ABI2: variants seen among roughly 807,000 people sequenced by gnomAD.
The protein encoded by ABI2 is abelson interactor 2.
In ABI2, 25 loss-of-function variants were observed where a neutral mutation model predicts 59.2. The observed-to-expected ratio is 0.42, with a 90% CI of 0.31 to 0.59. The LOEUF is 0.59. Ranked by LOEUF, ABI2 falls within the 20% of genes least tolerant of loss-of-function variation. ABI2 has a pLI of 0.14. For missense variants in ABI2, 545 were observed against 681.8 expected (o/e 0.80, Z 2.23); for synonymous variants, 213 against 235.5 (o/e 0.90, Z 0.87).
At chr2:203,397,869 C>T (rs1264763300) in intron 8 of ABI2, among the ~76,000 whole-genome samples, 1 of 152,104 alleles carries the variant, frequency 6.6e-6, no homozygotes, top group Non-Finnish European at 1.5e-5. Context: ...TTTAAACAAC[C>T]AGATCTCATT....
chr2:203,420,280 A>G (rs909741060), intron 11 of ABI2, among the ~76,000 whole-genome samples: 3 of 152,198 alleles, frequency 2.0e-5, no homozygotes, highest in African/African-American at 7.2e-5. Flanking sequence ...TAACTTTTGT[A>G]AAGCCATCTA....
At chr2:203,363,106 C>T (rs956020922) in intron 1 of ABI2, among the ~76,000 whole-genome samples, 3 of 151,988 alleles carry the variant, frequency 2.0e-5, no homozygotes, top group South Asian at 4.2e-4. Flanking sequence ...TTTGGGATTA[C>T]AGGTGTGGCC....
intron 1 of ABI2, among the ~76,000 whole-genome samples, chr2:203,347,941 A>G (rs1426573059): frequency 6.6e-6 from 1 of 152,302 alleles, no homozygotes; most frequent in South Asian, 2.1e-4. Flanking sequence ...TAATATAAGC[A>G]TGAAAAAAAT....
chr2:203,351,820 A>G (rs1191584966), intron 1 of ABI2: 4 of 242,984 alleles, frequency 1.6e-5, no homozygotes, highest in Admixed American at 5.2e-5. Flanking sequence ...ACAGGAGTGA[A>G]CTACCGCACC....
intron 3 of ABI2, among the ~76,000 whole-genome samples, chr2:203,381,449 T>C (rs1386510917): frequency 6.6e-6 from 1 of 152,146 alleles, no homozygotes; most frequent in Non-Finnish European, 1.5e-5. Context: ...TTTTTGTTTG[T>C]AGTGACAGGG....
intron 1 of ABI2, among the ~76,000 whole-genome samples, chr2:203,337,438 G>A (rs1240137232): frequency 6.6e-6 from 1 of 152,206 alleles, no homozygotes; most frequent in Non-Finnish European, 1.5e-5. Context: ...AATCAAGGAG[G>A]TGAAAGGTCT....
intron 1 of ABI2, among the ~76,000 whole-genome samples, chr2:203,340,332 TTAA>T (rs767534165): frequency 1.3e-5 from 2 of 152,142 alleles, no homozygotes; most frequent in Non-Finnish European, 2.9e-5. Context: ...GTAACTATAG[TTAA>T]TAATATTGTA....
At chr2:203,364,379 C>T (rs1475437465) in intron 1 of ABI2, among the ~76,000 whole-genome samples, 1 of 152,186 alleles carries the variant, frequency 6.6e-6, no homozygotes, top group Non-Finnish European at 1.5e-5. Context: ...CAGGCGTGAG[C>T]CACTGTGGCT....
chr2:203,328,694 G>C lies in ABI2; in HGVS notation c.117+63G>C, dbSNP rs550697298. On this transcript the variant is annotated intron_variant, in intron 1 of 11. Coordinates refer to ENST00000261018, the MANE Select transcript of ABI2 (RefSeq NM_001375670.1). ...CCCCGCCGGGGGCCGCGCGCCTCGG[G>C]GCGTGGGGCCGAGGCCGCCTCGGGG... The C allele has an allele frequency of 3.1e-4, 369 of 1,206,080 alleles. 1 individual carries two copies. The South Asian group carries it at 6.2e-3, about 20-fold the overall frequency. 74.7% of individuals were successfully genotyped at this position (1,206,080 alleles called of 1,614,324 possible). A position where few individuals can be genotyped will look rare whatever the true frequency, so the allele number is the denominator to read the frequency against.
At position 203,380,368 on chromosome 2, in the gene ABI2, T is replaced by C. The variant is rs754467735; in HGVS notation, c.446T>C (p.Ile149Thr). Residue 149 changes from isoleucine to threonine, a missense_variant, in exon 3 of 12, where the codon ATT becomes ACT. Coordinates refer to ENST00000261018, the MANE Select transcript of ABI2 (RefSeq NM_001375670.1). ...KPIDYTILDDIGHGVKWLLRF... is the reference protein window; with the variant it reads ...KPIDYTILDDTGHGVKWLLRF... ...ATTGACTATACAATTCTAGATGATA[T>C]TGGACATGGAGTAAAGGTAGGTATA... 31 of 1,563,568 alleles carry C rather than the reference T, an allele frequency of 2.0e-5. No homozygotes were observed. Among genetic ancestry groups the C allele is most frequent in the Middle Eastern group, 1.7e-4 (1 of 5,858 alleles).
In ABI2 at chr2:203,431,694, AT is replaced by A. The variant is rs1455777710; in HGVS notation, c.*4344del. 3 of 146,280 alleles carry A rather than the reference AT, an allele frequency of 2.1e-5. No individual in the cohort carries two copies. Among genetic ancestry groups the A allele is most frequent in the Non-Finnish European group, 3.0e-5 (2 of 67,708 alleles). 9.1% of individuals were successfully genotyped at this position (146,280 alleles called of 1,614,324 possible). A position where few individuals can be genotyped will look rare whatever the true frequency, so the allele number is the denominator to read the frequency against. ...CCTGTTTTGAGAATCTCATATAATTATTAAAAAAAAAAAACAATTAAAACGA... is the reference window on the plus strand; with the variant it reads ...CCTGTTTTGAGAATCTCATATAATTATAAAAAAAAAAAACAATTAAAACGA... On this transcript the variant is annotated 3_prime_UTR_variant, in exon 12 of 12. Transcript: ENST00000261018.
chr2:203,361,551 C>G (rs2093509328), intron 1 of ABI2, among the ~76,000 whole-genome samples: 1 of 152,048 alleles, frequency 6.6e-6, no homozygotes, highest in Non-Finnish European at 1.5e-5. Context: ...ACTGAATTTT[C>G]TCTTTTTGTA....
intron 2 of ABI2, among the ~76,000 whole-genome samples, chr2:203,370,186 TTCTCTC>T (rs71007509): frequency 0.12 from 16,809 of 136,518 alleles, 1,073 homozygotes; most frequent in African/African-American, 0.16. Context: ...CATTCTCCTA[TTCTCTC>T]TCTCTCTCTC....
chr2:203,406,349 G>GA (rs1035089310), intron 9 of ABI2, among the ~76,000 whole-genome samples: 1 of 152,128 alleles, frequency 6.6e-6, no homozygotes, highest in Non-Finnish European at 1.5e-5. Flanking sequence ...AAAAGCTTTT[G>GA]AAAAAATCTA....
chr2:203,387,842 GTC>G (rs374258193), intron 4 of ABI2, among the ~76,000 whole-genome samples: 2 of 152,026 alleles, frequency 1.3e-5, no homozygotes, highest in Admixed American at 6.6e-5. Flanking sequence ...TATATGTTCT[GTC>G]TCTCTCTCTG....
At position 203,430,792 on chromosome 2, in the gene ABI2, T is replaced by C. The variant is rs536166328; in HGVS notation, c.*3440T>C. 1 of 152,342 alleles carries C rather than the reference T, an allele frequency of 6.6e-6. No individual in the cohort carries two copies. The highest frequency in any genetic ancestry group is 1.9e-4 in the East Asian group (1 of 5,188). 9.4% of individuals were successfully genotyped at this position (152,342 alleles called of 1,614,324 possible). A position where few individuals can be genotyped will look rare whatever the true frequency, so the allele number is the denominator to read the frequency against. On this transcript the variant is annotated 3_prime_UTR_variant, in exon 12 of 12. Coordinates refer to ENST00000261018, the MANE Select transcript of ABI2 (RefSeq NM_001375670.1). Reference sequence around the variant, plus strand: ...TATTATCCAGCTAGACAATATTTTATGCATATTTACCGTGATGTCTGGACC... The same window carrying C: ...TATTATCCAGCTAGACAATATTTTACGCATATTTACCGTGATGTCTGGACC...
chr2:203,380,347 A>C lies in ABI2; in HGVS notation c.425A>C (p.Asp142Ala). The change falls in exon 3 of 12, where the codon GAC becomes GCC. Residue 142 changes from aspartate (D) to alanine (A), a missense_variant. By Grantham distance (126) the Asp-to-Ala change is moderately radical. This residue lies in a region of ABI2 where 410 missense variants were observed against 435.6 expected (regional missense o/e 0.94). Transcript: ENST00000261018. ...GTTCGTTATATTAGAAAACCTATTG[A>C]CTATACAATTCTAGATGATATTGGA... The part of the protein sequence containing the change: ...RPVRYIRKPI[D>A]YTILDDIGHG... The C allele has an allele frequency of 6.3e-7, 1 of 1,593,990 alleles. No homozygotes were observed. The highest frequency in any genetic ancestry group is 8.5e-7 in the Non-Finnish European group (1 of 1,173,692).
chr2:203,375,021 G>T (rs2095586459), intron 2 of ABI2, among the ~76,000 whole-genome samples: 1 of 152,222 alleles, frequency 6.6e-6, no homozygotes, highest in African/African-American at 2.4e-5. Context: ...GCTCAGGCTT[G>T]CAAAGGAGCT....
At chr2:203,412,093 TA>T (rs1469431557) in intron 10 of ABI2, among the ~76,000 whole-genome samples, 1 of 152,154 alleles carries the variant, frequency 6.6e-6, no homozygotes, top group African/African-American at 2.4e-5. Context: ...AGAATGATAT[TA>T]AAGATCTCAT....
Sources: gnomAD v4.1 joint callset for allele counts (sites outside exome capture counted in the v4.1 genomes callset) on GRCh38, gnomAD v4.1.1 for gene constraint, gnomAD v4.1.1 regional missense constraint, MANE v1.5 for transcripts, NCBI Gene and HGNC (gene_info 2026-07-23, HGNC 2026-07-21) for gene names.